The following PUM2 variants were observed in gnomAD, a reference collection of about 807,000 sequenced individuals.
PUM2 encodes the protein pumilio homolog 2.
A neutral mutation model predicts 124.5 loss-of-function variants in PUM2; 57 were observed. The observed-to-expected ratio is 0.46, with a 90% CI of 0.37 to 0.57. PUM2 has a LOEUF of 0.57. Ranked by LOEUF, PUM2 falls within the 20% of genes least tolerant of loss-of-function variation. The pLI, the probability that PUM2 is intolerant of heterozygous loss-of-function variation, is 0.00. For synonymous variants in PUM2, 460 were observed against 446.1 expected (o/e 1.03, Z -0.39); for missense variants, 1,065 against 1,290.6 (o/e 0.83, Z 2.68).
intron 16 of PUM2, 143 bp from the exon 17 acceptor site, chr2:20,256,313 T>C (rs970966167): frequency 2.6e-6 from 2 of 767,126 alleles, no homozygotes; most frequent in Non-Finnish European, 3.8e-6. Context: ...GGAACACAAA[T>C]ATATTCACAA....
intron 13 of PUM2, among the ~76,000 whole-genome samples, chr2:20,277,345 T>C (rs1006282118): frequency 6.6e-6 from 1 of 152,054 alleles, no homozygotes; most frequent in Non-Finnish European, 1.5e-5. Context: ...ACATGATAAA[T>C]GAAGAAAGGT....
At chr2:20,329,639 G>A (rs1292887635) in intron 1 of PUM2, among the ~76,000 whole-genome samples, 1 of 152,086 alleles carries the variant, frequency 6.6e-6, no homozygotes, top group Non-Finnish European at 1.5e-5. Flanking sequence ...AGAAGAAGCT[G>A]GTCTCAGAGC....
At chr2:20,338,551 G>C (rs1338988715) in intron 1 of PUM2, among the ~76,000 whole-genome samples, 2 of 152,064 alleles carry the variant, frequency 1.3e-5, no homozygotes, top group African/African-American at 2.4e-5. Context: ...AATTTAATTG[G>C]TATGTTGCAG....
chr2:20,287,466 C>T (rs1057195067), intron 10 of PUM2, among the ~76,000 whole-genome samples: 2 of 151,916 alleles, frequency 1.3e-5, no homozygotes, highest in African/African-American at 2.4e-5. Flanking sequence ...ACTATATACA[C>T]CAATTTTGTT....
At position 20,290,664 on chromosome 2, in the gene PUM2, T is replaced by C. The variant is rs768774395; in HGVS notation, c.1279A>G (p.Thr427Ala). 6.2e-7 allele frequency: 1 copy of C among 1,609,316 alleles called. No individual in the cohort carries two copies. The highest frequency in any genetic ancestry group is 2.2e-5 in the East Asian group (1 of 44,778). Residue 427 changes from threonine (T) to alanine (A), a missense_variant, in exon 10 of 21, where the codon ACT becomes GCT. Thr to Ala is a moderately conservative substitution (Grantham distance 58, BLOSUM62 0). Coordinates refer to ENST00000361078, the MANE Select transcript of PUM2 (RefSeq NM_015317.5). ...ACCAATTGTATACCTGGCATGCCAG[T>C]AGCAAGACCCTGACCAAAAGCCAAT... ...PTLAFGQGLA[T>A]GMPGYQVLAP... is the part of the protein sequence containing the mutation.
intron 7 of PUM2, among the ~76,000 whole-genome samples, chr2:20,306,219 C>CA (rs1340730273): frequency 6.6e-6 from 1 of 151,994 alleles, no homozygotes; most frequent in East Asian, 1.9e-4. Flanking sequence ...GAAACAACAA[C>CA]AAAAACAATA....
chr2:20,258,650 C>CTTTTTT (rs1057217780), intron 15 of PUM2, among the ~76,000 whole-genome samples: 1,045 of 93,970 alleles, frequency 0.011, 7 homozygotes, highest in Non-Finnish European at 0.013. Context: ...AACCCTTCAT[C>CTTTTTT]TTTTTTTTTT....
intron 3 of PUM2, among the ~76,000 whole-genome samples, chr2:20,313,423 T>C (rs1463189392): frequency 2.0e-5 from 3 of 152,206 alleles, no homozygotes; most frequent in African/African-American, 7.2e-5. Flanking sequence ...AAGGTAGAAA[T>C]AGTATGCAAA....
intron 3 of PUM2, among the ~76,000 whole-genome samples, chr2:20,316,714 C>T (rs1461425204): frequency 6.6e-6 from 1 of 151,844 alleles, no homozygotes; most frequent in Non-Finnish European, 1.5e-5. Flanking sequence ...GTGAGACCCC[C>T]ATCTCTAAAA....
rs2148330173 is a variant in PUM2, at chr2:20,249,563, C to A, written c.*2022G>T. The A allele has an allele frequency of 6.5e-6, 1 of 152,734 alleles. No homozygotes were observed. The highest frequency in any genetic ancestry group is 2.4e-5 in the African/African-American group (1 of 41,576). 9.5% of individuals were successfully genotyped at this position (152,734 alleles called of 1,614,324 possible). On this transcript the variant is annotated 3_prime_UTR_variant, in exon 21 of 21. Coordinates refer to ENST00000361078, the MANE Select transcript of PUM2 (RefSeq NM_015317.5). ...AAACATGAAAAAGTATGCCTGGCAT[C>A]CCCAAACTTTATGCCATTATTTTTA...
intron 1 of PUM2, among the ~76,000 whole-genome samples, chr2:20,330,393 C>T (rs1008528417): frequency 1.3e-5 from 2 of 152,188 alleles, no homozygotes; most frequent in African/African-American, 4.8e-5. Flanking sequence ...GCCAGGGGAA[C>T]CATCCTTTTG....
chr2:20,303,441 T>TG (rs1481121240), intron 7 of PUM2, among the ~76,000 whole-genome samples: 1 of 151,322 alleles, frequency 6.6e-6, no homozygotes, highest in Non-Finnish European at 1.5e-5. Flanking sequence ...TCAAGTTTTT[T>TG]TTTTTTTTTT....
intron 9 of PUM2, among the ~76,000 whole-genome samples, chr2:20,292,931 AAAAACAAAAC>A (rs545072826): frequency 3.5e-4 from 54 of 152,236 alleles, no homozygotes; most frequent in African/African-American, 9.9e-4. Flanking sequence ...CCATCTCAAA[AAAAACAAAAC>A]AAAACAAAAC....
At chr2:20,314,253 T>C (rs1432852219) in intron 3 of PUM2, among the ~76,000 whole-genome samples, 1 of 152,190 alleles carries the variant, frequency 6.6e-6, no homozygotes, top group Non-Finnish European at 1.5e-5. Flanking sequence ...AACTCACGAC[T>C]ATAACGCTAT....
At chr2:20,260,213 T>C in intron 15 of PUM2, 124 bp downstream of exon 15, 1 of 1,090,154 alleles carries the variant, frequency 9.2e-7, no homozygotes, top group Non-Finnish European at 1.3e-6. Context: ...TTTGTAAATA[T>C]CTTATCCCTG....
chr2:20,349,253 A>G (rs1299751479), intron 1 of PUM2, among the ~76,000 whole-genome samples: 1 of 152,216 alleles, frequency 6.6e-6, no homozygotes, highest in Non-Finnish European at 1.5e-5. Context: ...AAATTTAAAA[A>G]CTGGACTTAA....
At chr2:20,332,312 T>C (rs1197466960) in intron 1 of PUM2, among the ~76,000 whole-genome samples, 1 of 131,208 alleles carries the variant, frequency 7.6e-6, no homozygotes, top group Non-Finnish European at 1.7e-5. Flanking sequence ...TGTGTGTGTG[T>C]GTGTGTGTGT....
intron 13 of PUM2, among the ~76,000 whole-genome samples, chr2:20,266,203 G>C (rs1232063591): frequency 6.6e-6 from 1 of 152,100 alleles, no homozygotes; most frequent in African/African-American, 2.4e-5. Context: ...GCATTTTTGG[G>C]AGGCTGAGGA....
chr2:20,347,413 A>G (rs746429366), intron 1 of PUM2, among the ~76,000 whole-genome samples: 8 of 152,246 alleles, frequency 5.3e-5, no homozygotes, highest in South Asian at 2.1e-4. Flanking sequence ...GTCTCTAAAC[A>G]TAATGCTACA....
Sources: gnomAD v4.1 joint callset for allele counts (sites outside exome capture counted in the v4.1 genomes callset) on GRCh38, gnomAD v4.1.1 for gene constraint, MANE v1.5 for transcripts, NCBI Gene and HGNC (gene_info 2026-07-23, HGNC 2026-07-21) for gene names.